The following ZCCHC24 variants were observed in gnomAD, a reference collection of about 807,000 sequenced individuals.
ZCCHC24 encodes the protein zinc finger CCHC-type containing 24, also known as zinc finger CCHC domain-containing protein 24.
ZCCHC24 carries 10 observed loss-of-function variants against 26.2 expected under a neutral mutation model. The ratio of observed to expected loss-of-function variants is 0.38; its 90% confidence interval spans 0.24 to 0.65. ZCCHC24 has a LOEUF of 0.65. Among genes scored for constraint, ZCCHC24 ranks in the 30% least tolerant of loss-of-function variants. ZCCHC24 has a pLI of 0.54. For synonymous variants in ZCCHC24, 144 were observed against 147.1 expected (o/e 0.98, Z 0.15); for missense variants, 243 against 329.1 (o/e 0.74, Z 2.03).
Position 79,386,455 on chromosome 10 carries a change from G to A in ZCCHC24, c.616C>T (p.Pro206Ser), listed in dbSNP as rs747994651. The A allele has an allele frequency of 1.3e-6, 2 of 1,594,356 alleles. No individual in the cohort carries two copies. The highest frequency in any genetic ancestry group is 1.1e-5 in the South Asian group (1 of 90,106). Residue 206 changes from proline to serine, a missense_variant, in exon 4 of 4, where the codon CCC becomes TCC. By Grantham distance (74) the Pro-to-Ser change is moderately conservative. This residue lies in a region of ZCCHC24 where 96 missense variants were observed against 178.3 expected (regional missense o/e 0.54). Transcript: ENST00000372336. ...HINVYPHKQR[P>S]LEKPDGLDVS... ...TCCAGGCCGTCGGGCTTCTCCAGGG[G>A]TCTCTGCAGAGAGAAGGAGGAAGGG...
chr10:79,396,888 A>C (rs1856554469), intron 2 of ZCCHC24, among the ~76,000 whole-genome samples: 1 of 152,222 alleles, frequency 6.6e-6, no homozygotes, highest in Admixed American at 6.5e-5. Flanking sequence ...CTACCATATA[A>C]GACTGTTCTG....
At position 79,432,735 on chromosome 10, in the gene ZCCHC24, C is replaced by T. The variant is rs544488175; in HGVS notation, c.270G>A (p.Lys90=). Reference sequence around the variant, plus strand: ...TGAGGGAGCCATAGGGTGAGGCGCCCTTGTACACACTGTTGCTCAGCGCCT... The same window carrying T: ...TGAGGGAGCCATAGGGTGAGGCGCCTTTGTACACACTGTTGCTCAGCGCCT... ...RGEALSNSVY[K]GASPYGSLNN... is the part of the protein sequence containing the mutation. Residue 90 remains lysine (K), a synonymous_variant, in exon 2 of 4, where the codon AAG becomes AAA. Coordinates refer to ENST00000372336, the MANE Select transcript of ZCCHC24 (RefSeq NM_153367.4). 5.8e-5 allele frequency: 94 copies of T among 1,609,318 alleles called. No individual in the cohort carries two copies. Among genetic ancestry groups the T allele is most frequent in the Non-Finnish European group, 7.9e-5 (93 of 1,178,368 alleles).
At chr10:79,424,428 C>T (rs1191663735) in intron 2 of ZCCHC24, among the ~76,000 whole-genome samples, 1 of 152,204 alleles carries the variant, frequency 6.6e-6, no homozygotes, top group Non-Finnish European at 1.5e-5. Context: ...GATCTGGTAG[C>T]CCTCCTTGCT....
intron 1 of ZCCHC24, among the ~76,000 whole-genome samples, chr10:79,433,983 C>T (rs1440616834): frequency 1.3e-5 from 2 of 152,234 alleles, no homozygotes; most frequent in African/African-American, 4.8e-5. Context: ...GTATGTGTCC[C>T]AGCCACCCAA....
chr10:79,412,573 C>A (rs1173301050), intron 2 of ZCCHC24, among the ~76,000 whole-genome samples: 1 of 152,252 alleles, frequency 6.6e-6, no homozygotes, highest in Non-Finnish European at 1.5e-5. Context: ...GGGAGGAAAA[C>A]AGGCAACCAC....
intron 2 of ZCCHC24, among the ~76,000 whole-genome samples, chr10:79,407,674 T>C (rs951494246): frequency 6.6e-6 from 1 of 152,174 alleles, no homozygotes; most frequent in Admixed American, 6.5e-5. Context: ...GCTGTCCCCA[T>C]CTGCCCATTC....
chr10:79,399,434 G>A (rs1440261148), intron 2 of ZCCHC24, among the ~76,000 whole-genome samples: 4 of 152,242 alleles, frequency 2.6e-5, no homozygotes, highest in Non-Finnish European at 4.4e-5. Flanking sequence ...AGCCAGGCCT[G>A]ACCAGGCTCT....
intron 1 of ZCCHC24, among the ~76,000 whole-genome samples, chr10:79,444,826 C>T (rs1857340435): frequency 6.6e-6 from 1 of 152,244 alleles, no homozygotes; most frequent in Non-Finnish European, 1.5e-5. Flanking sequence ...GAGAAGGACA[C>T]TTCGAAGGGG....
rs1589654762 is a variant in ZCCHC24 at position 79,382,688 on chromosome 10, G to T, written c.*3657C>A. On this transcript the variant is annotated 3_prime_UTR_variant, in exon 4 of 4. Transcript: ENST00000372336. ...ACCCCCATTTCAGGGTTAGTCGTTG[G>T]ACTGAGCTACAATGTAGTGAGGTTG... 1 of 152,856 alleles carries T rather than the reference G, an allele frequency of 6.5e-6. No individual in the cohort carries two copies. The highest frequency in any genetic ancestry group is 2.4e-5 in the African/African-American group (1 of 41,474). 9.5% of individuals were successfully genotyped at this position (152,856 alleles called of 1,614,324 possible).
At position 79,445,359 on chromosome 10, in the gene ZCCHC24, G is replaced by A; in HGVS notation, c.82C>T (p.Leu28=). The part of the protein sequence containing the change: ...AQLLNWVYLS[L]QDTHQASAFD... Reference sequence around the variant, plus strand: ...GCGCTAGCCTGGTGCGTGTCCTGCAGCGACAGGTAGACCCAGTTGAGCAGC... The same window carrying A: ...GCGCTAGCCTGGTGCGTGTCCTGCAACGACAGGTAGACCCAGTTGAGCAGC... The change falls in exon 1 of 4, where the codon CTG becomes TTG. Residue 28 remains leucine, a synonymous_variant. Coordinates refer to ENST00000372336, the MANE Select transcript of ZCCHC24 (RefSeq NM_153367.4). 2 of 1,539,114 alleles carry A rather than the reference G, an allele frequency of 1.3e-6. No homozygotes were observed. The highest frequency in any genetic ancestry group is 2.4e-5 in the South Asian group (2 of 82,234).
intron 2 of ZCCHC24, among the ~76,000 whole-genome samples, chr10:79,417,611 GAA>G: frequency 6.6e-6 from 1 of 152,162 alleles, no homozygotes; most frequent in East Asian, 1.9e-4. Flanking sequence ...TGTTACAAAA[GAA>G]AAGAGGAAGA....
chr10:79,412,015 G>A (rs923914368), intron 2 of ZCCHC24, among the ~76,000 whole-genome samples: 1 of 152,162 alleles, frequency 6.6e-6, no homozygotes, highest in Non-Finnish European at 1.5e-5. Flanking sequence ...AGAATCTCGC[G>A]AGTGGGAGGA....
At chr10:79,401,540 T>C (rs1311941218) in intron 2 of ZCCHC24, among the ~76,000 whole-genome samples, 1 of 152,196 alleles carries the variant, frequency 6.6e-6, no homozygotes, top group East Asian at 1.9e-4. Flanking sequence ...CATGCCAGGA[T>C]TGCACAAAGA....
chr10:79,392,023 C>T (rs1415182275), intron 3 of ZCCHC24, among the ~76,000 whole-genome samples: 1 of 151,998 alleles, frequency 6.6e-6, no homozygotes, highest in South Asian at 2.1e-4. Flanking sequence ...CCAGACTCCA[C>T]CCAGTCCACA....
At chr10:79,397,440 A>G (rs1856561084) in intron 2 of ZCCHC24, among the ~76,000 whole-genome samples, 1 of 152,174 alleles carries the variant, frequency 6.6e-6, no homozygotes. Context: ...AAGTTAGTGC[A>G]TGTCCCTCTG....
At chr10:79,408,572 G>T (rs1405872355) in intron 2 of ZCCHC24, among the ~76,000 whole-genome samples, 2 of 152,102 alleles carry the variant, frequency 1.3e-5, no homozygotes, top group African/African-American at 2.4e-5. Context: ...TGCAACCCCG[G>T]CCCCCATGAA....
chr10:79,409,892 C>G (rs988983987), intron 2 of ZCCHC24, among the ~76,000 whole-genome samples: 6 of 152,240 alleles, frequency 3.9e-5, no homozygotes, highest in African/African-American at 1.2e-4. Context: ...AGACAAGCAC[C>G]CATCTGTGTC....
At chr10:79,389,063 G>C (rs1856436716) in intron 3 of ZCCHC24, among the ~76,000 whole-genome samples, 1 of 152,216 alleles carries the variant, frequency 6.6e-6, no homozygotes, top group Non-Finnish European at 1.5e-5. Context: ...CCAGACTGCA[G>C]CACTCCCTCC....
chr10:79,404,631 T>C (rs1197658055), intron 2 of ZCCHC24, among the ~76,000 whole-genome samples: 1 of 152,166 alleles, frequency 6.6e-6, no homozygotes, highest in Non-Finnish European at 1.5e-5. Flanking sequence ...ACATCCCTCT[T>C]TGGGTCCCGT....
Sources: gnomAD v4.1 joint callset for allele counts (sites outside exome capture counted in the v4.1 genomes callset) on GRCh38, gnomAD v4.1.1 for gene constraint, gnomAD v4.1.1 regional missense constraint, MANE v1.5 for transcripts, NCBI Gene and HGNC (gene_info 2026-07-23, HGNC 2026-07-21) for gene names.